SNX8: variants seen among roughly 807,000 people sequenced by gnomAD.
SNX8 encodes sorting nexin-8.
In SNX8, 25 loss-of-function variants were observed where a neutral mutation model predicts 51.6. The ratio of observed to expected loss-of-function variants is 0.48; its 90% confidence interval spans 0.35 to 0.68. SNX8 has a LOEUF of 0.68. SNX8 is among the 30% of genes least tolerant of loss of function. SNX8 has a pLI of 0.00. For synonymous variants in SNX8, 324 were observed against 277.0 expected, an observed-to-expected ratio of 1.17 and a Z score of -1.68; for missense variants, 695 against 624.0, an observed-to-expected ratio of 1.11 and a Z score of -1.21.
intron 1 of SNX8, among the ~76,000 whole-genome samples, chr7:2,291,142 G>A (rs1303342955): frequency 6.6e-6 from 1 of 151,494 alleles, no homozygotes; most frequent in East Asian, 1.9e-4. Context: ...CCAAAAAAAA[G>A]AAAAAAAACC....
chr7:2,299,970 C>T (rs1191659222), intron 1 of SNX8, among the ~76,000 whole-genome samples: 1 of 152,114 alleles, frequency 6.6e-6, no homozygotes, highest in Non-Finnish European at 1.5e-5. Flanking sequence ...AGGAAGAAGG[C>T]GCACTTCCTT....
At chr7:2,275,286 C>G (rs1795751209) in intron 2 of SNX8, 57 bp from the exon 3 acceptor site, 2 of 1,190,982 alleles carry the variant, frequency 1.7e-6, no homozygotes, top group Middle Eastern at 1.9e-4. Context: ...TGTCGCGTCA[C>G]TTCCCCTCAA....
intron 1 of SNX8, among the ~76,000 whole-genome samples, chr7:2,322,079 G>A (rs1053385383): frequency 3.1e-4 from 47 of 152,252 alleles, no homozygotes; most frequent in East Asian, 3.9e-4. Context: ...GTTATATCAC[G>A]ATGGTTAATC....
At chr7:2,288,347 T>TAA (rs538014195) in intron 1 of SNX8, 2,014 of 120,498 alleles carry the variant, frequency 0.017, 60 homozygotes, top group African/African-American at 0.061. Flanking sequence ...AAGACTGTCT[T>TAA]AAAAAAAAAA....
intron 1 of SNX8, among the ~76,000 whole-genome samples, chr7:2,339,464 C>T (rs1277901962): frequency 6.6e-6 from 1 of 152,040 alleles, no homozygotes; most frequent in Non-Finnish European, 1.5e-5. Flanking sequence ...CCACCCTGGC[C>T]TCCCAAAGTG....
rs1489370810 is a variant in SNX8 at position 2,264,300 on chromosome 7, T to C, written c.780A>G (p.Leu260=). Residue 260 remains leucine (L), a splice_region_variant and synonymous_variant, in exon 6 of 11, where the codon CTA becomes CTG. Coordinates refer to ENST00000222990, the MANE Select transcript of SNX8 (RefSeq NM_013321.4). ...GCAGAAGCTGAAAGGTCACCTACCT[T>C]AGCTCCTTCCCGAATATGAGAAGAT... The part of the protein sequence containing the change: ...AADLLIFGKE[L]SAIGSDTTPL... 2 of 1,610,652 alleles carry C rather than the reference T, an allele frequency of 1.2e-6. No homozygotes were observed. Among genetic ancestry groups the C allele is most frequent in the African/African-American group, 1.3e-5 (1 of 74,902 alleles).
chr7:2,265,712 G>T (rs954633172), intron 5 of SNX8, among the ~76,000 whole-genome samples: 1 of 146,256 alleles, frequency 6.8e-6, no homozygotes, highest in Non-Finnish European at 1.5e-5. Flanking sequence ...CTCTCCACAT[G>T]GGGGGAAGGC....
intron 7 of SNX8, among the ~76,000 whole-genome samples, chr7:2,258,004 C>G (rs1795234889): frequency 1.4e-5 from 2 of 146,842 alleles, no homozygotes; most frequent in Admixed American, 6.7e-5. Context: ...TCGAGCCCAG[C>G]AGTCTTTTTT....
At position 2,254,923 on chromosome 7, in the gene SNX8, G is replaced by A. The variant is rs1795137858; in HGVS notation, c.*133C>T. 2.9e-6 allele frequency: 2 copies of A among 693,908 alleles called. No individual in the cohort carries two copies. The highest frequency in any genetic ancestry group is 4.3e-5 in the Admixed American group (2 of 46,896). The allele number at this position is 693,908 out of a possible 1,614,324, so 43.0% of individuals were successfully genotyped here. On this transcript the variant is annotated 3_prime_UTR_variant, in exon 11 of 11. Transcript: ENST00000222990. ...TGCGCCTCCCGACCCGCAGGCGTGA[G>A]CTCCTCTGCTCCAGCTGCAGCACGG...
chr7:2,308,184 T>C (rs1209551219), intron 1 of SNX8, among the ~76,000 whole-genome samples: 2 of 152,038 alleles, frequency 1.3e-5, no homozygotes, highest in African/African-American at 2.4e-5. Flanking sequence ...AAAAATGTAA[T>C]TCTATTCAAA....
intron 1 of SNX8, among the ~76,000 whole-genome samples, chr7:2,295,086 CTGTT>C (rs886733959): frequency 4.6e-5 from 7 of 151,960 alleles, no homozygotes; most frequent in African/African-American, 1.4e-4. Context: ...ATCCACCTCA[CTGTT>C]TGGTTGCAAG....
chr7:2,302,736 G>C (rs1221524328), intron 1 of SNX8, among the ~76,000 whole-genome samples: 1 of 150,470 alleles, frequency 6.6e-6, no homozygotes, highest in Non-Finnish European at 1.5e-5. Flanking sequence ...GAGATGTGGG[G>C]AGCGCCTCTG....
chr7:2,302,517 C>A, intron 1 of SNX8, among the ~76,000 whole-genome samples: 1 of 152,214 alleles, frequency 6.6e-6, no homozygotes. Context: ...CTCTGCCCGG[C>A]CACCACCCCG....
Position 2,253,477 on chromosome 7 carries a change from G to A in SNX8, c.*1579C>T, listed in dbSNP as rs2115078998. The stretch of plus-strand genomic sequence containing the variant: ...AACCTGTCTCTGCAGAGGGGCGTCA[G>A]AAGGCAGCGCAGCCCAAGACTCGGG... On this transcript the variant is annotated 3_prime_UTR_variant, in exon 11 of 11. Coordinates refer to ENST00000222990, the MANE Select transcript of SNX8 (RefSeq NM_013321.4). The A allele has an allele frequency of 6.6e-6, 1 of 152,430 alleles. No individual in the cohort carries two copies. The highest frequency in any genetic ancestry group is 2.1e-4 in the South Asian group (1 of 4,832). The allele number at this position is 152,430 out of a possible 1,614,324, so 9.4% of individuals were successfully genotyped here. A position where few individuals can be genotyped will look rare whatever the true frequency, so the allele number is the denominator to read the frequency against.
At chr7:2,272,260 T>C (rs1795666543) in intron 3 of SNX8, among the ~76,000 whole-genome samples, 1 of 152,066 alleles carries the variant, frequency 6.6e-6, no homozygotes, top group South Asian at 2.1e-4. Context: ...ACCACGTGAG[T>C]GGTCACTTTA....
intron 1 of SNX8, among the ~76,000 whole-genome samples, chr7:2,282,377 T>C (rs983320187): frequency 3.9e-5 from 6 of 152,078 alleles, no homozygotes; most frequent in South Asian, 2.1e-4. Flanking sequence ...AAACCAGGCA[T>C]GCGGTGAGGG....
chr7:2,256,849 G>A (rs1302408297), intron 10 of SNX8, 25 bp downstream of exon 10: 3 of 1,596,550 alleles, frequency 1.9e-6, no homozygotes, highest in East Asian at 4.5e-5. Flanking sequence ...TGGCCGAGAC[G>A]GCGGCCGGAG....
intron 1 of SNX8, among the ~76,000 whole-genome samples, chr7:2,305,703 G>A (rs1796529770): frequency 6.6e-6 from 1 of 151,902 alleles, no homozygotes; most frequent in Admixed American, 6.6e-5. Context: ...CTTTACACAT[G>A]CACAGAAAGG....
At chr7:2,266,017 T>C (rs779256230) in intron 5 of SNX8, among the ~76,000 whole-genome samples, 33 of 152,294 alleles carry the variant, frequency 2.2e-4, no homozygotes, top group Non-Finnish European at 2.9e-4. Context: ...TCTGGGAGGC[T>C]GAAGTGGGAG....
Sources: allele counts gnomAD v4.1 joint callset (sites outside exome capture counted in the v4.1 genomes callset), GRCh38; gene constraint gnomAD v4.1.1; transcripts MANE v1.5; gene names NCBI Gene and HGNC (gene_info 2026-07-23, HGNC 2026-07-21).